Variants in BRINP3 observed in about 807,000 individuals in gnomAD.
BRINP3 encodes the protein BMP/retinoic acid inducible neural specific 3, also known as BMP/retinoic acid-inducible neural-specific protein 3.
Under a neutral mutation model 71.0 loss-of-function variants are expected in BRINP3, and 19 were observed. The observed-to-expected ratio is 0.27, with a 90% CI of 0.19 to 0.39. BRINP3 has a LOEUF of 0.39. Among genes scored for constraint, BRINP3 ranks in the 10% least tolerant of loss-of-function variants. The pLI is 1.00. For synonymous variants in BRINP3, 380 were observed against 337.7 expected, an observed-to-expected ratio of 1.13 and a Z score of -1.37; for missense variants, 959 against 940.8, an observed-to-expected ratio of 1.02 and a Z score of -0.25.
chr1:190,260,683 T>G (rs1470335616), intron 4 of BRINP3, among the ~76,000 whole-genome samples: 2 of 152,072 alleles, frequency 1.3e-5, no homozygotes, highest in South Asian at 4.1e-4. Context: ...ATTTCATAAA[T>G]AGCTTTAAAA....
Position 190,251,228 on chromosome 1 carries a change from T to C in BRINP3, c.618+13637A>G, listed in dbSNP as rs1170383224. The stretch of plus-strand genomic sequence containing the variant: ...AGAGCTTATTCCTGAGTCCTATGTA[T>C]TTGCTTGAACTTGTACTTATAACTA... On this transcript the variant is annotated intron_variant, in intron 4 of 7. Transcript: ENST00000367462. Among the ~76,000 whole-genome samples, 4 of 152,132 alleles carry C rather than the reference T, an allele frequency of 2.6e-5. No individual in the cohort carries two copies. The East Asian group carries it at 7.7e-4, about 29-fold the overall frequency.
chr1:190,139,166 C>T lies in BRINP3; in HGVS notation c.1184+21502G>A, dbSNP rs376821604. ...GCATCATAGAAAAAAAAAAAATGAT[C>T]GGCCCGGAGCCGTGGCTCACACCTG... On this transcript the variant is annotated intron_variant, in intron 7 of 7. Coordinates refer to ENST00000367462, the MANE Select transcript of BRINP3 (RefSeq NM_199051.3). Among the ~76,000 whole-genome samples the T allele has an allele frequency of 2.5e-4, 38 of 151,240 alleles. No homozygotes were observed. In the South Asian group the frequency reaches 7.3e-3, roughly 29 times the overall value.
At chr1:190,214,501 A>G (rs948787584) in intron 6 of BRINP3, among the ~76,000 whole-genome samples, 1 of 151,984 alleles carries the variant, frequency 6.6e-6, no homozygotes, top group Non-Finnish European at 1.5e-5. Context: ...GGAACTTCTC[A>G]CATATTTTCA....
chr1:190,315,850 A>C (rs534034578), intron 2 of BRINP3, among the ~76,000 whole-genome samples: 13 of 152,240 alleles, frequency 8.5e-5, no homozygotes, highest in African/African-American at 3.1e-4. Flanking sequence ...TTGCAAACTC[A>C]TCACCTACCT....
At chr1:190,382,785 G>A (rs1403749183) in intron 2 of BRINP3, among the ~76,000 whole-genome samples, 1 of 152,078 alleles carries the variant, frequency 6.6e-6, no homozygotes, top group African/African-American at 2.4e-5. Flanking sequence ...CCCAGTTCCA[G>A]TAGGTCTTTG....
intron 7 of BRINP3, among the ~76,000 whole-genome samples, chr1:190,111,508 T>G (rs1652692978): frequency 6.6e-6 from 1 of 152,192 alleles, no homozygotes; most frequent in African/African-American, 2.4e-5. Context: ...ACCTTGATTT[T>G]GTTCAACACA....
chr1:190,261,563 C>T (rs1011167592), intron 4 of BRINP3, among the ~76,000 whole-genome samples: 5 of 151,990 alleles, frequency 3.3e-5, no homozygotes, highest in African/African-American at 7.2e-5. Context: ...TAAGAATTAG[C>T]GTGATAAAAG....
At chr1:190,368,525 CT>C (rs1669654064) in intron 2 of BRINP3, among the ~76,000 whole-genome samples, 1 of 152,076 alleles carries the variant, frequency 6.6e-6, no homozygotes, top group Admixed American at 6.6e-5. Context: ...TTGCCTAGGA[CT>C]TTCCTGGGCC....
chr1:190,174,268 T>A (rs1652288806), intron 6 of BRINP3, among the ~76,000 whole-genome samples: 1 of 152,130 alleles, frequency 6.6e-6, no homozygotes. Flanking sequence ...CTCCAACATC[T>A]AAGTTGGTAC....
chr1:190,302,699 G>A (rs533051895), intron 2 of BRINP3: 1 of 151,806 alleles, frequency 6.6e-6, no homozygotes, highest in African/African-American at 2.4e-5. Context: ...CATGTCTTCT[G>A]CAGGTTAGTT....
rs779111789 is a variant in BRINP3 at position 190,418,176 on chromosome 1, C to T, written c.236+36479G>A. Among the ~76,000 whole-genome samples the T allele has an allele frequency of 4.4e-4, 67 of 152,168 alleles. 1 individual carries two copies. The highest frequency in any genetic ancestry group is 7.9e-4 in the Admixed American group (12 of 15,276). On this transcript the variant is annotated intron_variant, in intron 2 of 7. Coordinates refer to ENST00000367462, the MANE Select transcript of BRINP3 (RefSeq NM_199051.3). ...AGTCTCAGGGCTGTAGTTTCTCCCTCTTTTCTCACTAGAATATTTAGCCCC... is the reference window on the plus strand; with the variant it reads ...AGTCTCAGGGCTGTAGTTTCTCCCTTTTTTCTCACTAGAATATTTAGCCCC...
intron 2 of BRINP3, among the ~76,000 whole-genome samples, chr1:190,312,868 G>T (rs1665630339): frequency 6.6e-6 from 1 of 151,712 alleles, no homozygotes; most frequent in Non-Finnish European, 1.5e-5. Context: ...TTGCCAATTT[G>T]TGGTTATAAT....
At chr1:190,420,097 T>C (rs570589564) in intron 2 of BRINP3, among the ~76,000 whole-genome samples, 1 of 152,126 alleles carries the variant, frequency 6.6e-6, no homozygotes, top group Admixed American at 6.6e-5. Flanking sequence ...GGTCATGTCT[T>C]AAAAACTAAA....
chr1:190,212,597 T>C (rs1370125598), intron 6 of BRINP3, among the ~76,000 whole-genome samples: 1 of 152,160 alleles, frequency 6.6e-6, no homozygotes, highest in African/African-American at 2.4e-5. Context: ...TCTAACTGTT[T>C]GCAAATATTC....
intron 7 of BRINP3, among the ~76,000 whole-genome samples, chr1:190,138,236 G>A (rs1571809914): frequency 6.6e-6 from 1 of 152,058 alleles, no homozygotes; most frequent in East Asian, 1.9e-4. Context: ...TTACAGGTGT[G>A]AGCCACCACA....
At chr1:190,112,641 A>G (rs1382122427) in intron 7 of BRINP3, among the ~76,000 whole-genome samples, 1 of 152,176 alleles carries the variant, frequency 6.6e-6, no homozygotes, top group Non-Finnish European at 1.5e-5. Flanking sequence ...CTAAAGAATC[A>G]AAAGTCTCCC....
At chr1:190,305,813 A>T (rs1051387138) in intron 2 of BRINP3, among the ~76,000 whole-genome samples, 7 of 151,890 alleles carry the variant, frequency 4.6e-5, no homozygotes, top group African/African-American at 1.4e-4. Context: ...TTAGAAAAAA[A>T]TGATAAATGT....
intron 2 of BRINP3, among the ~76,000 whole-genome samples, chr1:190,367,393 G>A (rs550627443): frequency 1.2e-4 from 18 of 152,298 alleles, no homozygotes; most frequent in African/African-American, 4.3e-4. Flanking sequence ...AATCAGAGGG[G>A]ACCCTGGGCC....
intron 4 of BRINP3, among the ~76,000 whole-genome samples, chr1:190,258,449 A>G (rs921367433): frequency 1.3e-5 from 2 of 152,232 alleles, no homozygotes; most frequent in Non-Finnish European, 2.9e-5. Context: ...CAGAAAATTC[A>G]ATAAAACTAA....
Sources: gnomAD v4.1 joint callset for allele counts (sites outside exome capture counted in the v4.1 genomes callset) on GRCh38, gnomAD v4.1.1 for gene constraint, MANE v1.5 for transcripts, NCBI Gene and HGNC (gene_info 2026-07-23, HGNC 2026-07-21) for gene names.